The following MGRN1 variants were observed in gnomAD, a reference collection of about 807,000 sequenced individuals.
MGRN1 encodes E3 ubiquitin-protein ligase MGRN1.
In MGRN1, 29 loss-of-function variants were observed where a neutral mutation model predicts 69.2. The ratio of observed to expected loss-of-function variants is 0.42; its 90% CI spans 0.31 to 0.57. The LOEUF (loss-of-function observed/expected upper bound fraction) is 0.57, where lower values mean the gene tolerates loss of function less well. MGRN1 is among the 20% of genes least tolerant of loss of function. The pLI is 0.15. For synonymous variants in MGRN1, 470 were observed against 344.2 expected, an observed-to-expected ratio of 1.37 and a Z score of -4.04; for missense variants, 998 against 796.2, an observed-to-expected ratio of 1.25 and a Z score of -3.05.
chr16:4,627,212 T>C (rs1017117906), intron 1 of MGRN1, among the ~76,000 whole-genome samples: 1 of 152,220 alleles, frequency 6.6e-6, no homozygotes, highest in Non-Finnish European at 1.5e-5. Context: ...AATCACCCGA[T>C]GAGAAAGCTT....
chr16:4,668,170 T>A, intron 7 of MGRN1, 95 bp from the exon 8 acceptor site: 1 of 896,398 alleles, frequency 1.1e-6, no homozygotes, highest in Non-Finnish European at 1.7e-6. Context: ...GGGCATGGAT[T>A]GGCTGGGGCA....
At chr16:4,659,590 T>G (rs1189486411) in intron 5 of MGRN1, among the ~76,000 whole-genome samples, 1 of 152,210 alleles carries the variant, frequency 6.6e-6, no homozygotes, top group Non-Finnish European at 1.5e-5. Context: ...AGGGGGCCTT[T>G]GGTGAGGGTT....
chr16:4,650,594 G>C lies in MGRN1; in HGVS notation c.207+111G>C. 3.7e-6 allele frequency: 3 copies of C among 818,660 alleles called. No individual in the cohort carries two copies. In the South Asian group the frequency reaches 5.7e-5, roughly 16 times the overall value. 50.7% of individuals were successfully genotyped at this position (818,660 alleles called of 1,614,324 possible). A position where few individuals can be genotyped will look rare whatever the true frequency, so the allele number is the denominator to read the frequency against. On this transcript the variant is annotated intron_variant, in intron 2 of 16. Coordinates refer to ENST00000262370, the MANE Select transcript of MGRN1 (RefSeq NM_015246.4). ...GCAGGCACCAAATCACCCCTAAAGG[G>C]GGCAGAGCTCCTGGCAGGATTCCAG...
rs748405058 is a variant in MGRN1, at chr16:4,682,878, G to A, written c.1414G>A (p.Glu472Lys). The A allele has an allele frequency of 2.4e-5, 39 of 1,609,792 alleles. 1 individual carries two copies. The South Asian group carries it at 3.4e-4, about 14-fold the overall frequency. The stretch of plus-strand genomic sequence containing the variant: ...CGAAGAGGATGAGGAGAAGCTCTCC[G>A]AGGACGTGGACGCCCCTCCCCCACT... ...IHEEDEEKLS[E>K]DVDAPPPLGG... Residue 472 changes from glutamate to lysine, a missense_variant, in exon 14 of 17, where the codon GAG becomes AAG. Coordinates refer to ENST00000262370, the MANE Select transcript of MGRN1 (RefSeq NM_015246.4).
intron 4 of MGRN1, among the ~76,000 whole-genome samples, chr16:4,653,994 C>T (rs2078469293): frequency 6.6e-6 from 1 of 152,174 alleles, no homozygotes; most frequent in Non-Finnish European, 1.5e-5. Context: ...TCAGGTGATC[C>T]ACCTGCCTCG....
chr16:4,658,531 G>A (rs1333345367), intron 5 of MGRN1, among the ~76,000 whole-genome samples: 7 of 117,250 alleles, frequency 6.0e-5, no homozygotes, highest in African/African-American at 1.6e-4. Context: ...GTGAGATTCC[G>A]TCTCAGAAAA....
At chr16:4,664,179 G>A (rs1388106472) in intron 5 of MGRN1, 1 of 170,584 alleles carries the variant, frequency 5.9e-6, no homozygotes, top group African/African-American at 2.4e-5. Context: ...TCCACACAGT[G>A]CCTGTTATTT....
rs1363319729 is a variant in MGRN1, at chr16:4,625,038, T to C, written c.78T>C (p.Pro26=). 4 of 1,548,506 alleles carry C rather than the reference T, an allele frequency of 2.6e-6. No individual in the cohort carries two copies. Among genetic ancestry groups the C allele is most frequent in the African/African-American group, 1.4e-5 (1 of 70,046 alleles). The change falls in exon 1 of 17, where the codon CCT becomes CCC. Residue 26 remains proline (P), a synonymous_variant. Coordinates refer to ENST00000262370, the MANE Select transcript of MGRN1 (RefSeq NM_015246.4). ...DIQANSAYRY[P]PKSGNYFASH... ...AGGCGAACTCGGCCTATCGCTACCCTCCGAAGTCCGGTGAGCGCCCGGCCC... is the reference window on the plus strand; with the variant it reads ...AGGCGAACTCGGCCTATCGCTACCCCCCGAAGTCCGGTGAGCGCCCGGCCC...
chr16:4,653,478 TTTG>T (rs1167196410), intron 4 of MGRN1, among the ~76,000 whole-genome samples: 6 of 151,978 alleles, frequency 3.9e-5, no homozygotes. Context: ...GTTCCAGGTT[TTTG>T]TTTTGTTTTT....
chr16:4,686,955 C>T (rs536911435), intron 16 of MGRN1: 5 of 985,450 alleles, frequency 5.1e-6, no homozygotes, highest in East Asian at 2.3e-4. Flanking sequence ...CTCTGGTGCC[C>T]AGGGGAGAGT....
At chr16:4,675,630 C>T (rs959899009) in intron 10 of MGRN1, among the ~76,000 whole-genome samples, 1 of 151,530 alleles carries the variant, frequency 6.6e-6, no homozygotes, top group Non-Finnish European at 1.5e-5. Flanking sequence ...ACTTGGAAGG[C>T]TGAGGCGGGA....
rs538932116 is a variant in MGRN1 at position 4,668,256 on chromosome 16, C to T, written c.679-9C>T. 4.3e-6 allele frequency: 7 copies of T among 1,613,724 alleles called. No individual in the cohort carries two copies. Among genetic ancestry groups the T allele is most frequent in the East Asian group, 2.2e-5 (1 of 44,896 alleles). ...ACCACCTTAACCTCTTTGTCTTTCT[C>T]CCCTGCAGCACATGGACGGCAGCTT... On this transcript the variant is annotated splice_polypyrimidine_tract_variant and intron_variant, in intron 7 of 16. Coordinates refer to ENST00000262370, the MANE Select transcript of MGRN1 (RefSeq NM_015246.4).
chr16:4,687,556 C>T (rs1188495376), intron 16 of MGRN1: 1 of 832,932 alleles, frequency 1.2e-6, no homozygotes. Flanking sequence ...CAGCCTGAGA[C>T]CCTGTCTCAA....
Position 4,655,015 on chromosome 16 carries a change from A to T in MGRN1, c.443+2191A>T, listed in dbSNP as rs146556745. ...GCCTGTGTGCTATGACAGGCGTCGA[A>T]TTCTTGGGCGTAGGAGCATTTGGAG... On this transcript the variant is annotated intron_variant, in intron 4 of 16. Transcript: ENST00000262370. Among the ~76,000 whole-genome samples the T allele has an allele frequency of 4.8e-3, 735 of 152,246 alleles. 8 individuals are homozygous for T. Among genetic ancestry groups the T allele is most frequent in the African/African-American group, 0.017 (689 of 41,542 alleles).
chr16:4,683,153 G>T, intron 14 of MGRN1, 71 bp from the exon 15 acceptor site: 1 of 1,590,840 alleles, frequency 6.3e-7, no homozygotes. Flanking sequence ...GGCCGTGCCT[G>T]ATGGCGGCTT....
At chr16:4,634,424 C>A (rs1321466652) in intron 1 of MGRN1, 2 of 152,630 alleles carry the variant, frequency 1.3e-5, no homozygotes, top group Non-Finnish European at 2.9e-5. Flanking sequence ...TCCGACATTG[C>A]CTGGCTTTCC....
chr16:4,645,724 G>T (rs1293364268), intron 1 of MGRN1, among the ~76,000 whole-genome samples: 4 of 152,152 alleles, frequency 2.6e-5, no homozygotes, highest in Non-Finnish European at 5.9e-5. Flanking sequence ...CCAGGGCCCC[G>T]AGGTGTGAGT....
chr16:4,665,097 A>G lies in MGRN1; in HGVS notation c.629-5A>G, dbSNP rs1293307059. ...CTGACTACTCTGCCCCTCTCTCCCC[A>G]GCAGTGGTGGAAGTGACTGGCCACG... On this transcript the variant is annotated splice_region_variant and splice_polypyrimidine_tract_variant and intron_variant, in intron 6 of 16. Coordinates refer to ENST00000262370, the MANE Select transcript of MGRN1 (RefSeq NM_015246.4). 1.2e-6 allele frequency: 2 copies of G among 1,614,172 alleles called. No individual in the cohort carries two copies. The highest frequency in any genetic ancestry group is 8.5e-7 in the Non-Finnish European group (1 of 1,180,036).
chr16:4,632,071 A>G (rs189400765), intron 1 of MGRN1, among the ~76,000 whole-genome samples: 3 of 134,572 alleles, frequency 2.2e-5, no homozygotes, highest in Non-Finnish European at 4.6e-5. Flanking sequence ...CTGGAGGGCA[A>G]TGGCGCAATC....
Sources: allele counts gnomAD v4.1 joint callset (sites outside exome capture counted in the v4.1 genomes callset), GRCh38; gene constraint gnomAD v4.1.1; transcripts MANE v1.5; gene names NCBI Gene and HGNC (gene_info 2026-07-23, HGNC 2026-07-21).